The following USP8 variants were observed in gnomAD, a reference collection of about 807,000 sequenced individuals.
The protein encoded by USP8 is ubiquitin specific peptidase 8.
USP8 carries 27 observed loss-of-function variants against 130.0 expected under a neutral mutation model. The observed-to-expected ratio is 0.21, with a 90% CI of 0.15 to 0.29. The LOEUF is 0.29. USP8 is among the 10% of genes least tolerant of loss of function. The pLI is 1.00. For missense variants in USP8, 1,029 were observed against 1,312.2 expected, an observed-to-expected ratio of 0.78 and a Z score of 3.33; for synonymous variants, 392 against 444.1, an observed-to-expected ratio of 0.88 and a Z score of 1.48.
rs563022218 is a variant in USP8, at chr15:50,481,984, G to T, written c.1722G>T (p.Arg574Ser). Residue 574 changes from arginine (R) to serine (S), a missense_variant, in exon 11 of 20, where the codon AGG (arginine) becomes AGT (serine). Transcript: ENST00000307179. ...AATCTGTAGAAGATAGGGGGAAAAGGTGTCCAACCCCAGAAATACAGAAAA... is the reference window on the plus strand; with the variant it reads ...AATCTGTAGAAGATAGGGGGAAAAGTTGTCCAACCCCAGAAATACAGAAAA... The part of the protein sequence containing the change: ...AKKSVEDRGK[R>S]CPTPEIQKKS... The T allele has an allele frequency of 1.3e-5, 21 of 1,593,552 alleles. No individual in the cohort carries two copies. The highest frequency in any genetic ancestry group is 1.2e-4 in the African/African-American group (9 of 73,442).
rs2052596892 is a variant in USP8, at chr15:50,501,990, C to T, written c.*2902C>T. 6.6e-6 allele frequency: 1 copy of T among 152,148 alleles called. No homozygotes were observed. Among genetic ancestry groups the T allele is most frequent in the South Asian group, 2.1e-4 (1 of 4,826 alleles). The allele number at this position is 152,148 out of a possible 1,614,324, so 9.4% of individuals were successfully genotyped here. A position where few individuals can be genotyped will look rare whatever the true frequency, so the allele number is the denominator to read the frequency against. On this transcript the variant is annotated 3_prime_UTR_variant, in exon 20 of 20. Coordinates refer to ENST00000307179, the MANE Select transcript of USP8 (RefSeq NM_005154.5). ...CTGCTTTAATGATACAACAGTAAAA[C>T]TGAATAGTTGCAGCCAATACCATAT...
At chr15:50,451,905 A>G (rs2050639447) in intron 4 of USP8, among the ~76,000 whole-genome samples, 1 of 152,204 alleles carries the variant, frequency 6.6e-6, no homozygotes, top group Non-Finnish European at 1.5e-5. Context: ...TTAAAGTGAA[A>G]GCCCTTAACA....
chr15:50,503,287 G>A lies in USP8; in HGVS notation c.*4199G>A, dbSNP rs1246350028. 1 of 152,490 alleles carries A rather than the reference G, an allele frequency of 6.6e-6. No homozygotes were observed. Among genetic ancestry groups the A allele is most frequent in the Non-Finnish European group, 1.5e-5 (1 of 68,226 alleles). 9.4% of individuals were successfully genotyped at this position (152,490 alleles called of 1,614,324 possible). The stretch of plus-strand genomic sequence containing the variant: ...TTGAACCTGGGAGATGGAGGTTGCA[G>A]TGAGCTGAGATCATGCCATTGCATT... On this transcript the variant is annotated 3_prime_UTR_variant, in exon 20 of 20. Coordinates refer to ENST00000307179, the MANE Select transcript of USP8 (RefSeq NM_005154.5).
At chr15:50,494,455 C>T (rs1300376895) in intron 16 of USP8, among the ~76,000 whole-genome samples, 175 bp downstream of exon 16, 2 of 152,126 alleles carry the variant, frequency 1.3e-5, no homozygotes, top group Non-Finnish European at 2.9e-5. Flanking sequence ...GAAGCATATA[C>T]AGTTGGTATT....
At chr15:50,475,584 CACAT>C (rs2051539791) in intron 8 of USP8, among the ~76,000 whole-genome samples, 1 of 151,894 alleles carries the variant, frequency 6.6e-6, no homozygotes, top group Non-Finnish European at 1.5e-5. Context: ...TGTACACACA[CACAT>C]ATATATATAT....
At position 50,496,099 on chromosome 15, in the gene USP8, T is replaced by C; in HGVS notation, c.2895+15T>C. 1.3e-6 allele frequency: 2 copies of C among 1,561,986 alleles called. No homozygotes were observed. The highest frequency in any genetic ancestry group is 1.2e-5 in the South Asian group (1 of 86,932). ...GTACATTACAGGTAAGTTTAAGAAG[T>C]AGAGAGAAAATGATTTATTGGATAA... On this transcript the variant is annotated intron_variant, in intron 17 of 19. Coordinates refer to ENST00000307179, the MANE Select transcript of USP8 (RefSeq NM_005154.5).
rs1299613790 is a variant in USP8 at position 50,513,629 on chromosome 15, A to G, written c.*14541A>G. ...ATTCCATAAGAAAAAGGCAGGCCAC[A>G]GAATAGGAAAAAGAATAAAAGACTT... is the stretch of plus-strand genomic sequence containing the variant. On this transcript the variant is annotated 3_prime_UTR_variant, in exon 20 of 20. Coordinates refer to ENST00000307179, the MANE Select transcript of USP8 (RefSeq NM_005154.5). 1.3e-5 allele frequency: 2 copies of G among 152,152 alleles called. No individual in the cohort carries two copies. Among genetic ancestry groups the G allele is most frequent in the Non-Finnish European group, 2.9e-5 (2 of 68,022 alleles). 9.4% of individuals were successfully genotyped at this position (152,152 alleles called of 1,614,324 possible). A position where few individuals can be genotyped will look rare whatever the true frequency, so the allele number is the denominator to read the frequency against.
chr15:50,471,901 C>CTT, intron 8 of USP8, 106 bp downstream of exon 8: 2 of 1,159,858 alleles, frequency 1.7e-6, no homozygotes, highest in African/African-American at 1.7e-5. Flanking sequence ...ATTCATCATG[C>CTT]CTTTTTTTTT....
At chr15:50,470,161 C>G (rs1345296318) in intron 7 of USP8, among the ~76,000 whole-genome samples, 1 of 152,166 alleles carries the variant, frequency 6.6e-6, no homozygotes, top group Non-Finnish European at 1.5e-5. Context: ...TGAACACTTT[C>G]TGTGGGCTGG....
chr15:50,503,732 C>T lies in USP8; in HGVS notation c.*4644C>T, dbSNP rs1566900182. 6.6e-6 allele frequency: 1 copy of T among 152,156 alleles called. No homozygotes were observed. Among genetic ancestry groups the T allele is most frequent in the Non-Finnish European group, 1.5e-5 (1 of 68,042 alleles). The allele number at this position is 152,156 out of a possible 1,614,324, so 9.4% of individuals were successfully genotyped here. On this transcript the variant is annotated 3_prime_UTR_variant, in exon 20 of 20. Transcript: ENST00000307179. The stretch of plus-strand genomic sequence containing the variant: ...CTTAATATGAAAAGTATTTCTAGGG[C>T]AGTTGCCAGAAGGAAACAGAATTTC...
intron 8 of USP8, among the ~76,000 whole-genome samples, chr15:50,474,940 C>G (rs958287645): frequency 2.0e-5 from 3 of 152,116 alleles, no homozygotes; most frequent in African/African-American, 7.2e-5. Context: ...GAAACCCCAT[C>G]TCTACTAAAA....
In USP8 at chr15:50,484,378, A is replaced by C. The variant is rs1421601255; in HGVS notation, c.1890+17A>C. 6.3e-7 allele frequency: 1 copy of C among 1,597,038 alleles called. No homozygotes were observed. The highest frequency in any genetic ancestry group is 2.2e-5 in the East Asian group (1 of 44,564). On this transcript the variant is annotated intron_variant, in intron 12 of 19. Transcript: ENST00000307179. ...AGAAATAAAGTAAGTAGTTTATTGC[A>C]GGAAAAAACTGGAAAAAAAAGCCAA...
At chr15:50,431,618 C>T (rs149238278) in intron 1 of USP8, among the ~76,000 whole-genome samples, 3 of 152,058 alleles carry the variant, frequency 2.0e-5, no homozygotes, top group Non-Finnish European at 4.4e-5. Context: ...TCCCTCTATC[C>T]GATTGATTAT....
intron 4 of USP8, among the ~76,000 whole-genome samples, chr15:50,455,948 G>A (rs573908702): frequency 5.9e-5 from 9 of 152,250 alleles, no homozygotes; most frequent in Non-Finnish European, 1.3e-4. Flanking sequence ...CCTTAGGTGT[G>A]AAACCATAAA....
At chr15:50,497,334 A>G (rs1056156245) in intron 18 of USP8, 103 bp downstream of exon 18, 2 of 1,315,172 alleles carry the variant, frequency 1.5e-6, no homozygotes, top group African/African-American at 3.0e-5. Context: ...GGCACATAAC[A>G]AAGGGCGATT....
intron 4 of USP8, 50 bp downstream of exon 4, chr15:50,449,535 A>T (rs1339652670): frequency 7.8e-7 from 1 of 1,287,356 alleles, no homozygotes; most frequent in Non-Finnish European, 1.0e-6. Context: ...GAAGATAAAA[A>T]TAATATTTAA....
Position 50,482,294 on chromosome 15 carries a change from A to G in USP8, c.1803+229A>G, listed in dbSNP as rs144986766. 6.5e-4 allele frequency among the ~76,000 whole-genome samples: 99 copies of G among 152,360 alleles called. 1 individual carries two copies. Among genetic ancestry groups the G allele is most frequent in the African/African-American group, 2.2e-3 (90 of 41,586 alleles). ...AAATTGCTTTTTGTATATTACATCTATAAAATGCAATATATTTCAAATAAT... is the reference window on the plus strand; with the variant it reads ...AAATTGCTTTTTGTATATTACATCTGTAAAATGCAATATATTTCAAATAAT... On this transcript the variant is annotated intron_variant, in intron 11 of 19. Coordinates refer to ENST00000307179, the MANE Select transcript of USP8 (RefSeq NM_005154.5).
chr15:50,426,120 T>C (rs1011825453), intron 1 of USP8, among the ~76,000 whole-genome samples: 5 of 152,044 alleles, frequency 3.3e-5, no homozygotes, highest in Non-Finnish European at 7.4e-5. Flanking sequence ...AAACTCCGTC[T>C]CAAAAAATAA....
chr15:50,494,341 T>A, intron 16 of USP8, 61 bp downstream of exon 16: 1 of 1,407,168 alleles, frequency 7.1e-7, no homozygotes, highest in South Asian at 1.4e-5. Flanking sequence ...TAGCACTGTA[T>A]TTTTATAGCA....
Sources: gnomAD v4.1 joint callset for allele counts (sites outside exome capture counted in the v4.1 genomes callset) on GRCh38, gnomAD v4.1.1 for gene constraint, MANE v1.5 for transcripts, NCBI Gene and HGNC (gene_info 2026-07-23, HGNC 2026-07-21) for gene names.